Variants in LRRC37A2 observed in about 807,000 individuals in gnomAD.
LRRC37A2 encodes leucine-rich repeat-containing protein 37A2.
LRRC37A2 carries 9 observed loss-of-function variants against 68.8 expected under a neutral mutation model. The observed-to-expected ratio is 0.13, with a 90% confidence interval of 0.08 to 0.23. LRRC37A2 has a LOEUF of 0.23. Ranked by LOEUF, LRRC37A2 falls within the 10% of genes least tolerant of loss-of-function variation. The pLI is 1.00. For synonymous variants in LRRC37A2, 63 were observed against 367.6 expected (o/e 0.17, Z 9.48); for missense variants, 168 against 950.4 (o/e 0.18, Z 10.82).
the LRRC37A2 span, among the ~76,000 whole-genome samples, chr17:47,005,102 T>C: frequency 6.6e-6 from 1 of 152,224 alleles, no homozygotes; most frequent in African/African-American, 2.4e-5. Context: ...GTTTTTAACA[T>C]CTCACCCCAA....
At chr17:46,837,681 G>A in the LRRC37A2 span, among the ~76,000 whole-genome samples, 2 of 152,180 alleles carry the variant, frequency 1.3e-5, no homozygotes, top group Non-Finnish European at 2.9e-5. Context: ...AGGTGGTGAT[G>A]CCCCTGCTGG....
chr17:46,919,216 T>G, the LRRC37A2 span, among the ~76,000 whole-genome samples: 1 of 152,220 alleles, frequency 6.6e-6, no homozygotes, highest in Non-Finnish European at 1.5e-5. Context: ...ACCAATGGAC[T>G]AAGTCAAGTG....
chr17:46,927,846 C>T, the LRRC37A2 span, among the ~76,000 whole-genome samples: 1 of 152,084 alleles, frequency 6.6e-6, no homozygotes, highest in Non-Finnish European at 1.5e-5. Context: ...TCTTTACCTC[C>T]CCCCTTTTTA....
the LRRC37A2 span, chr17:46,922,926 T>C: frequency 3.8e-4 from 216 of 568,864 alleles, no homozygotes; most frequent in Non-Finnish European, 1.4e-4. Context: ...GACTGAATCC[T>C]GAGGCTAGCC....
chr17:46,999,180 G>C, the LRRC37A2 span, among the ~76,000 whole-genome samples: 1 of 152,242 alleles, frequency 6.6e-6, no homozygotes, highest in Non-Finnish European at 1.5e-5. Context: ...AGGCCCACAC[G>C]TTAGTGTCAA....
At chr17:46,730,115 A>G in the LRRC37A2 span, among the ~76,000 whole-genome samples, 1 of 152,114 alleles carries the variant, frequency 6.6e-6, no homozygotes, top group African/African-American at 2.4e-5. Flanking sequence ...AATTATCTAC[A>G]TATATCATGA....
At chr17:46,494,067 ACTC>A in the LRRC37A2 span, among the ~76,000 whole-genome samples, 24 of 139,522 alleles carry the variant, frequency 1.7e-4, no homozygotes, top group East Asian at 4.1e-3. Context: ...CTGGTCTTGA[ACTC>A]CTGAGCTCAA....
chr17:46,863,662 G>T, the LRRC37A2 span, among the ~76,000 whole-genome samples: 16 of 152,294 alleles, frequency 1.1e-4, no homozygotes, highest in East Asian at 3.9e-4. Flanking sequence ...GCTATAAAAG[G>T]TTCCAGGGTA....
At chr17:46,982,724 C>G in the LRRC37A2 span, among the ~76,000 whole-genome samples, 4 of 152,138 alleles carry the variant, frequency 2.6e-5, no homozygotes, top group African/African-American at 9.7e-5. Context: ...ACATCTTTGA[C>G]CTGGGAGCAG....
At chr17:46,756,056 A>G in the LRRC37A2 span, 4 of 505,976 alleles carry the variant, frequency 7.9e-6, no homozygotes, top group African/African-American at 7.8e-5. Flanking sequence ...TTACCTTCCC[A>G]TGCAGGCTAA....
At chr17:46,620,340 T>A in the LRRC37A2 span, among the ~76,000 whole-genome samples, 1 of 10,898 alleles carries the variant, frequency 9.2e-5, no homozygotes, top group Non-Finnish European at 1.5e-4. Flanking sequence ...TTTTTTTTTT[T>A]AAAGATGAAG....
chr17:46,977,258 G>A, the LRRC37A2 span, among the ~76,000 whole-genome samples: 1 of 152,098 alleles, frequency 6.6e-6, no homozygotes, highest in Non-Finnish European at 1.5e-5. Flanking sequence ...CACCTTCCTC[G>A]TTATTCTTCA....
the LRRC37A2 span, among the ~76,000 whole-genome samples, chr17:46,896,102 C>T: frequency 6.6e-6 from 1 of 151,818 alleles, no homozygotes; most frequent in Non-Finnish European, 1.5e-5. Flanking sequence ...CATGGTGAAA[C>T]CCCGTCTCTA....
At chr17:46,719,483 ATT>A in the LRRC37A2 span, among the ~76,000 whole-genome samples, 1 of 152,146 alleles carries the variant, frequency 6.6e-6, no homozygotes, top group African/African-American at 2.4e-5. The surrounding 1 kb of genome is among the most constrained non-coding windows in gnomAD (Gnocchi z 4.3). Flanking sequence ...ACTTCTCTTA[ATT>A]TGCTTATTAG....
chr17:46,407,572 C>CA, the LRRC37A2 span, among the ~76,000 whole-genome samples: 3 of 94,416 alleles, frequency 3.2e-5, no homozygotes, highest in Admixed American at 2.0e-4. Flanking sequence ...GACTCTGTCT[C>CA]AAAAAAAAGT....
the LRRC37A2 span, chr17:47,018,585 T>G: frequency 3.3e-6 from 5 of 1,519,948 alleles, no homozygotes; most frequent in African/African-American, 6.9e-5. Flanking sequence ...GCTTCCAGAG[T>G]CATCGGAAGA....
chr17:47,023,740 GCC>G, the LRRC37A2 span, among the ~76,000 whole-genome samples: 1 of 151,972 alleles, frequency 6.6e-6, no homozygotes. Flanking sequence ...AATTACAGGT[GCC>G]CTCCATCACA....
chr17:46,819,783 G>A, the LRRC37A2 span, among the ~76,000 whole-genome samples: 2 of 152,226 alleles, frequency 1.3e-5, no homozygotes, highest in South Asian at 2.1e-4. The surrounding 1 kb of genome is among the most constrained non-coding windows in gnomAD (Gnocchi z 5.3). Flanking sequence ...GGCCCCCTTC[G>A]GGCTTGCTTC....
At chr17:46,797,602 C>G in the LRRC37A2 span, among the ~76,000 whole-genome samples, 1 of 152,244 alleles carries the variant, frequency 6.6e-6, no homozygotes, top group Admixed American at 6.5e-5. Context: ...TCTTGTAAAG[C>G]TCAACATTCA....
Sources: allele counts gnomAD v4.1 joint callset (sites outside exome capture counted in the v4.1 genomes callset), GRCh38; gene constraint gnomAD v4.1.1; non-coding constraint Gnocchi (gnomAD v3.1); transcripts MANE v1.5; gene names NCBI Gene and HGNC (gene_info 2026-07-23, HGNC 2026-07-21).